RPE: variants seen among roughly 807,000 people sequenced by gnomAD.
The protein encoded by RPE is ribulose-5-phosphate-3-epimerase.
A neutral mutation model predicts 24.6 loss-of-function variants in RPE; 16 were observed. The ratio of observed to expected loss-of-function variants is 0.65; its 90% confidence interval spans 0.44 to 0.99. RPE has a LOEUF of 0.99. RPE is among the 50% of genes least tolerant of loss of function. The probability of loss-of-function intolerance (pLI) is 0.00; values close to 1 mark genes in which losing one functional copy is unlikely to be tolerated. For synonymous variants in RPE, 93 were observed against 98.4 expected (o/e 0.94, Z 0.33); for missense variants, 240 against 294.5 (o/e 0.81, Z 1.35).
Position 210,016,101 on chromosome 2 carries a change from A to C in RPE, c.331A>C (p.Asn111His), listed in dbSNP as rs746472426. The C allele has an allele frequency of 6.2e-7, 1 of 1,614,052 alleles. No homozygotes were observed. The highest frequency in any genetic ancestry group is 8.5e-7 in the Non-Finnish European group (1 of 1,180,046). Residue 111 changes from asparagine to histidine, a missense_variant, in exon 3 of 6, where the codon AAT becomes CAT. Asn to His is a moderately conservative substitution (Grantham distance 68). Transcript: ENST00000359429. ...PGALIKDIRE[N>H]GMKVGLAIKP... ...GGCTTTGATTAAAGACATTCGGGAG[A>C]ATGGGATGAAGGTAAGAAATCGTGA...
At chr2:210,018,008 G>A (rs988440485) in intron 5 of RPE, 36 of 826,966 alleles carry the variant, frequency 4.4e-5, no homozygotes, top group Non-Finnish European at 6.2e-5. Context: ...GCCTCCCAAA[G>A]TGTTGGGATT....
intron 2 of RPE, among the ~76,000 whole-genome samples, chr2:210,012,527 A>G (rs114382345): frequency 1.6e-4 from 25 of 152,340 alleles, no homozygotes; most frequent in African/African-American, 5.5e-4. Flanking sequence ...CTTGTGCTGC[A>G]TTGCTGCATA....
rs556009074 is a variant in RPE at position 210,006,465 on chromosome 2, A to T, written c.123-3192A>T. ...CCAATATACTTCGTGAACCTAGTGC[A>T]TTGAATTGATTTTCAAAAGCACAAA... On this transcript the variant is annotated intron_variant, in intron 1 of 5. Transcript: ENST00000359429. Among the ~76,000 whole-genome samples, 7 of 152,268 alleles carry T rather than the reference A, an allele frequency of 4.6e-5. No homozygotes were observed. The South Asian group carries it at 1.4e-3, about 32-fold the overall frequency.
intron 4 of RPE, 43 bp from the exon 5 acceptor site, chr2:210,017,428 CAT>C: frequency 2.2e-6 from 2 of 924,546 alleles, no homozygotes; most frequent in Non-Finnish European, 1.6e-6. Flanking sequence ...CCCCCACCAA[CAT>C]ACCCACTTTA....
At chr2:210,006,527 G>GT (rs1349664957) in intron 1 of RPE, among the ~76,000 whole-genome samples, 1 of 152,062 alleles carries the variant, frequency 6.6e-6, no homozygotes, top group African/African-American at 2.4e-5. Flanking sequence ...ATTTTTATAC[G>GT]TTTTGTTTAG....
chr2:210,003,277 G>C (rs2093587111), intron 1 of RPE, among the ~76,000 whole-genome samples: 1 of 152,148 alleles, frequency 6.6e-6, no homozygotes, highest in Admixed American at 6.5e-5. Context: ...TTCATAATTT[G>C]AAAAATGGAA....
At chr2:210,019,626 A>G (rs753941346) in intron 5 of RPE, 43 bp from the exon 6 acceptor site, 43 of 1,596,394 alleles carry the variant, frequency 2.7e-5, no homozygotes, top group South Asian at 5.6e-5. Context: ...AGGTTTTTCT[A>G]CATTTTCCTT....
intron 2 of RPE, among the ~76,000 whole-genome samples, chr2:210,015,169 A>G (rs896537211): frequency 1.3e-5 from 2 of 152,108 alleles, no homozygotes; most frequent in Non-Finnish European, 2.9e-5. Flanking sequence ...CCTCTCATCT[A>G]TCTATCCATG....
At chr2:210,017,390 T>A (rs2093787097) in intron 4 of RPE, 83 bp from the exon 5 acceptor site, 2 of 1,136,524 alleles carry the variant, frequency 1.8e-6, no homozygotes, top group Non-Finnish European at 2.6e-6. Flanking sequence ...GCTGTTGGAT[T>A]TTTTTGTTTG....
chr2:210,014,102 T>G (rs970825336), intron 2 of RPE, among the ~76,000 whole-genome samples: 8 of 151,998 alleles, frequency 5.3e-5, no homozygotes, highest in African/African-American at 1.9e-4. Flanking sequence ...GTTTTTTGTT[T>G]TTTTTTTGAG....
intron 1 of RPE, among the ~76,000 whole-genome samples, chr2:210,005,603 C>G (rs2093620159): frequency 1.3e-5 from 2 of 151,982 alleles, no homozygotes; most frequent in African/African-American, 4.8e-5. Context: ...GACGATTTCA[C>G]ATTAATACTG....
chr2:210,009,549 T>G, intron 1 of RPE, 108 bp from the exon 2 acceptor site: 1 of 1,448,788 alleles, frequency 6.9e-7, no homozygotes. Flanking sequence ...AGTATTAAAT[T>G]GAAAAACATT....
intron 1 of RPE, among the ~76,000 whole-genome samples, chr2:210,007,651 C>A (rs928038125): frequency 2.0e-5 from 3 of 152,160 alleles, no homozygotes; most frequent in African/African-American, 7.2e-5. Flanking sequence ...TGTTTCTTTT[C>A]CCATCTTTAT....
In RPE at chr2:210,019,842, A is replaced by G. The variant is rs754919613; in HGVS notation, c.*51A>G. 1.3e-6 allele frequency: 2 copies of G among 1,574,084 alleles called. No individual in the cohort carries two copies. The highest frequency in any genetic ancestry group is 1.9e-5 in the Admixed American group (1 of 53,948). ...TTCATGAAATCTCCCTTTTACTGGA[A>G]AACAGGAATATTGACTACCAAATCA... On this transcript the variant is annotated 3_prime_UTR_variant, in exon 6 of 6. Coordinates refer to ENST00000359429, the MANE Select transcript of RPE (RefSeq NM_199229.3).
chr2:210,016,226 A>C, intron 3 of RPE, 114 bp downstream of exon 3: 1 of 1,613,862 alleles, frequency 6.2e-7, no homozygotes, highest in Non-Finnish European at 8.5e-7. Flanking sequence ...ACCCAGGCTG[A>C]AGTGCAGTGG....
At chr2:210,018,131 A>G (rs1294148066) in intron 5 of RPE, 1 of 1,515,422 alleles carries the variant, frequency 6.6e-7, no homozygotes. Flanking sequence ...TCTTTTTTAT[A>G]AAAGAATATG....
chr2:210,002,854 GT>G (rs1403481279), intron 1 of RPE, 71 bp downstream of exon 1: 3 of 1,612,104 alleles, frequency 1.9e-6, no homozygotes, highest in East Asian at 4.5e-5. Flanking sequence ...TTGACTGCTT[GT>G]TGGATGTACC....
At chr2:210,017,448 C>G (rs1199903456) in intron 4 of RPE, 25 bp from the exon 5 acceptor site, 2 of 626,970 alleles carry the variant, frequency 3.2e-6, no homozygotes, top group East Asian at 6.1e-5. Context: ...TTAGGAGTTA[C>G]TTATTTCCTC....
intron 5 of RPE, among the ~76,000 whole-genome samples, chr2:210,019,218 C>T (rs1265779810): frequency 1.3e-5 from 2 of 152,214 alleles, no homozygotes; most frequent in South Asian, 2.1e-4. Flanking sequence ...TTAATTTTGC[C>T]GTAGTTTATG....
Sources: gnomAD v4.1 joint callset for allele counts (sites outside exome capture counted in the v4.1 genomes callset) on GRCh38, gnomAD v4.1.1 for gene constraint, MANE v1.5 for transcripts, NCBI Gene and HGNC (gene_info 2026-07-23, HGNC 2026-07-21) for gene names.